Variants in HEMK2 observed in about 807,000 individuals in gnomAD.
The protein encoded by HEMK2 is HemK methyltransferase 2, ETF1 glutamine and histone H4 lysine, also known as methyltransferase HEMK2.
At chr21:28,740,245 G>A in the HEMK2 span, among the ~76,000 whole-genome samples, 20 of 152,280 alleles carry the variant, frequency 1.3e-4, no homozygotes, top group East Asian at 3.5e-3. Context: ...CATGAAGCAG[G>A]TTTCTCTATT....
chr21:28,611,920 A>AG, the HEMK2 span, among the ~76,000 whole-genome samples: 1 of 151,646 alleles, frequency 6.6e-6, no homozygotes, highest in East Asian at 1.9e-4. Context: ...TCAAAAAAAA[A>AG]AAAAAAAAAA....
the HEMK2 span, among the ~76,000 whole-genome samples, chr21:28,581,947 T>A: frequency 6.6e-6 from 1 of 152,220 alleles, no homozygotes; most frequent in East Asian, 1.9e-4. Flanking sequence ...ACAATGTAGA[T>A]ATAATCTTTC....
At chr21:28,612,173 C>CA in the HEMK2 span, among the ~76,000 whole-genome samples, 1,130 of 118,126 alleles carry the variant, frequency 9.6e-3, 7 homozygotes, top group African/African-American at 0.022. Flanking sequence ...CAAAAATCCT[C>CA]AAAAAAAAAA....
chr21:28,648,736 G>A, the HEMK2 span, among the ~76,000 whole-genome samples: 1 of 152,164 alleles, frequency 6.6e-6, no homozygotes, highest in Non-Finnish European at 1.5e-5. Flanking sequence ...CAGGTCTCTT[G>A]TCTCTGAATT....
chr21:28,841,882 A>C, the HEMK2 span, among the ~76,000 whole-genome samples: 1 of 152,196 alleles, frequency 6.6e-6, no homozygotes, highest in Admixed American at 6.5e-5. Context: ...AACATTTCAC[A>C]CTTGTCTCAA....
chr21:28,818,503 A>G, the HEMK2 span, among the ~76,000 whole-genome samples: 12,514 of 152,226 alleles, frequency 0.082, 1,181 homozygotes, highest in African/African-American at 0.22. Context: ...CCTGACTAAT[A>G]CAGACAGGAA....
At chr21:28,792,185 C>A in the HEMK2 span, among the ~76,000 whole-genome samples, 1 of 152,070 alleles carries the variant, frequency 6.6e-6, no homozygotes, top group Non-Finnish European at 1.5e-5. Context: ...GGAAAACTCA[C>A]GAATAATCAA....
the HEMK2 span, among the ~76,000 whole-genome samples, chr21:28,781,324 C>T: frequency 1.3e-5 from 2 of 152,184 alleles, no homozygotes; most frequent in Non-Finnish European, 2.9e-5. Flanking sequence ...TCAACCTGTT[C>T]ATCCATCTCT....
the HEMK2 span, among the ~76,000 whole-genome samples, chr21:28,622,838 A>G: frequency 6.6e-6 from 1 of 152,222 alleles, no homozygotes; most frequent in Admixed American, 6.5e-5. Flanking sequence ...TTAACTCAAG[A>G]TGGATTAAAG....
the HEMK2 span, among the ~76,000 whole-genome samples, chr21:28,801,216 G>A: frequency 2.6e-5 from 4 of 152,300 alleles, no homozygotes; most frequent in African/African-American, 9.6e-5. Context: ...TGACAAAGGT[G>A]GCATATCAAA....
chr21:28,684,790 T>A, the HEMK2 span, among the ~76,000 whole-genome samples: 1 of 152,220 alleles, frequency 6.6e-6, no homozygotes, highest in African/African-American at 2.4e-5. Context: ...AACATCCAAC[T>A]GCCCTTCCTC....
chr21:28,831,462 C>CGAAAGAAAGAAAGAAAGAAAGAAA, the HEMK2 span, among the ~76,000 whole-genome samples: 90 of 23,626 alleles, frequency 3.8e-3, 4 homozygotes, highest in Non-Finnish European at 5.7e-3. Context: ...AAGAAAAGAA[C>CGAAAGAAAGAAAGAAAGAAAGAAA]GAAAGAAAGA....
chr21:28,585,783 G>GA, the HEMK2 span, among the ~76,000 whole-genome samples: 2 of 151,724 alleles, frequency 1.3e-5, no homozygotes, highest in African/African-American at 4.8e-5. Context: ...ATAGGGAAGG[G>GA]GAAACATTAA....
At chr21:28,623,955 A>C in the HEMK2 span, among the ~76,000 whole-genome samples, 3 of 152,204 alleles carry the variant, frequency 2.0e-5, no homozygotes, top group Non-Finnish European at 4.4e-5. Flanking sequence ...CACGTTCTGC[A>C]CATGTATCCC....
At chr21:28,852,284 C>A in the HEMK2 span, among the ~76,000 whole-genome samples, 1 of 152,216 alleles carries the variant, frequency 6.6e-6, no homozygotes, top group Non-Finnish European at 1.5e-5. Flanking sequence ...TGTGTGGGTT[C>A]TGCCAGCTGC....
At chr21:28,684,558 G>T in the HEMK2 span, among the ~76,000 whole-genome samples, 234 of 152,300 alleles carry the variant, frequency 1.5e-3, 1 homozygote, top group African/African-American at 5.6e-3. Context: ...ACCATCCTGT[G>T]ACTGTGACTT....
the HEMK2 span, among the ~76,000 whole-genome samples, chr21:28,844,105 T>A: frequency 3.3e-5 from 5 of 152,210 alleles, no homozygotes; most frequent in South Asian, 1.0e-3. Context: ...ATATACACAT[T>A]TAAACGTAAT....
At chr21:28,877,089 G>C in the HEMK2 span, among the ~76,000 whole-genome samples, 7 of 126,394 alleles carry the variant, frequency 5.5e-5, no homozygotes. Context: ...AGGGAAGGGA[G>C]GGAAAGGAAA....
chr21:28,751,852 T>TAACA, the HEMK2 span, among the ~76,000 whole-genome samples: 4 of 152,308 alleles, frequency 2.6e-5, no homozygotes, highest in Non-Finnish European at 4.4e-5. Context: ...GCTAATTTTG[T>TAACA]ATTTTTAGTA....
Sources: allele counts gnomAD v4.1 joint callset (sites outside exome capture counted in the v4.1 genomes callset), GRCh38; gene constraint gnomAD v4.1.1; transcripts MANE v1.5; gene names NCBI Gene and HGNC (gene_info 2026-07-23, HGNC 2026-07-21).